IFFO2: variants seen among roughly 807,000 people sequenced by gnomAD.
IFFO2 encodes intermediate filament family orphan 2.
Under a neutral mutation model 53.5 loss-of-function variants are expected in IFFO2, and 19 were observed. The observed-to-expected ratio is 0.36, with a 90% CI of 0.25 to 0.52. The LOEUF is 0.52. Among genes scored for constraint, IFFO2 ranks in the 20% least tolerant of loss-of-function variants. The pLI is 0.94. For missense variants in IFFO2, 570 were observed against 727.4 expected, an observed-to-expected ratio of 0.78 and a Z score of 2.49; for synonymous variants, 303 against 313.6, an observed-to-expected ratio of 0.97 and a Z score of 0.36.
In IFFO2 at chr1:18,956,530, A is replaced by C. The variant is rs946062137; in HGVS notation, c.-198T>G. The C allele has an allele frequency of 6.3e-6, 1 of 157,612 alleles. No homozygotes were observed. The highest frequency in any genetic ancestry group is 2.4e-5 in the African/African-American group (1 of 41,446). The allele number at this position is 157,612 out of a possible 1,614,324, so 9.8% of individuals were successfully genotyped here. A position where few individuals can be genotyped will look rare whatever the true frequency, so the allele number is the denominator to read the frequency against. On this transcript the variant is annotated 5_prime_UTR_variant, in exon 1 of 9. Transcript: ENST00000455833. This position sits in a 1 kb window ranked among gnomAD's most constrained non-coding sequence, Gnocchi z 6.4. ...CCCCGGATGCGGGCGCCGAGGCGAG[A>C]GAGGGCACTCGGCCGCTCCTCGGGA...
chr1:18,952,748 T>A (rs1021444738), intron 1 of IFFO2, among the ~76,000 whole-genome samples: 2 of 152,218 alleles, frequency 1.3e-5, no homozygotes, highest in Non-Finnish European at 2.9e-5. Flanking sequence ...TTTTGGGGGC[T>A]GATGCAATGC....
intron 1 of IFFO2, among the ~76,000 whole-genome samples, chr1:18,931,452 C>T (rs1936373838): frequency 6.6e-6 from 1 of 152,162 alleles, no homozygotes; most frequent in South Asian, 2.1e-4. Context: ...CCCTTCATCA[C>T]CTCCTCCAGG....
At chr1:18,943,236 G>A (rs1032157832) in intron 1 of IFFO2, among the ~76,000 whole-genome samples, 1 of 151,998 alleles carries the variant, frequency 6.6e-6, no homozygotes, top group Non-Finnish European at 1.5e-5. Flanking sequence ...AAAATTAGCT[G>A]GGTGTAGTGG....
At chr1:18,944,618 C>T (rs1936563267) in intron 1 of IFFO2, among the ~76,000 whole-genome samples, 1 of 152,190 alleles carries the variant, frequency 6.6e-6, no homozygotes, top group Non-Finnish European at 1.5e-5. Flanking sequence ...CTGCAGGGCC[C>T]GCCACAGGCA....
At chr1:18,952,317 G>A (rs1201951673) in intron 1 of IFFO2, among the ~76,000 whole-genome samples, 1 of 152,162 alleles carries the variant, frequency 6.6e-6, no homozygotes, top group Admixed American at 6.5e-5. Flanking sequence ...CCAAAGCAGT[G>A]GTGACTGGGG....
At chr1:18,948,322 A>G (rs1936615913) in intron 1 of IFFO2, among the ~76,000 whole-genome samples, 3 of 152,250 alleles carry the variant, frequency 2.0e-5, no homozygotes, top group South Asian at 2.1e-4. Flanking sequence ...TGGCATGCAC[A>G]GAGTTGTGCT....
rs1032004188 is a variant in IFFO2, at chr1:18,918,652, G to A, written c.823-150C>T. ...GGTGCCTTGGGCTTTTCCGTGGAGT[G>A]GAGGGCTGCGGCGGCACTGGTCAGG... On this transcript the variant is annotated intron_variant, in intron 3 of 8. Coordinates refer to ENST00000455833, the MANE Select transcript of IFFO2 (RefSeq NM_001136265.2). This position sits in a 1 kb window ranked among gnomAD's most constrained non-coding sequence, Gnocchi z 5.2. 8 of 688,792 alleles carry A rather than the reference G, an allele frequency of 1.2e-5. No homozygotes were observed. The highest frequency in any genetic ancestry group is 9.0e-5 in the African/African-American group (5 of 55,380). The allele number at this position is 688,792 out of a possible 1,614,324, so 42.7% of individuals were successfully genotyped here.
At chr1:18,930,993 A>AACACCAGCCT (rs1936368259) in intron 1 of IFFO2, among the ~76,000 whole-genome samples, 1 of 152,118 alleles carries the variant, frequency 6.6e-6, no homozygotes, top group African/African-American at 2.4e-5. Context: ...CAACATAGTG[A>AACACCAGCCT]GATCCCATCC....
intron 1 of IFFO2, among the ~76,000 whole-genome samples, chr1:18,922,564 CA>C (rs1284781231): frequency 1.3e-5 from 2 of 152,002 alleles, no homozygotes; most frequent in Non-Finnish European, 2.9e-5. Flanking sequence ...TCCTGGAGGA[CA>C]CACACTCTCT....
At chr1:18,921,832 T>C (rs966228220) in intron 1 of IFFO2, among the ~76,000 whole-genome samples, 2 of 152,080 alleles carry the variant, frequency 1.3e-5, no homozygotes, top group African/African-American at 2.4e-5. Context: ...ACACGAGTAC[T>C]GCCCGAAGCT....
rs1479728821 is a variant in IFFO2, at chr1:18,908,969, G to GGTGC, written c.1449-307_1449-304dup. On this transcript the variant is annotated intron_variant, in intron 8 of 8. Transcript: ENST00000455833. ...CTAACCCATGTCTGGGCATATAGTA[G>GGTGC]GTGCTAAGTAAAACCTGAATGACTC... 2.0e-5 allele frequency among the ~76,000 whole-genome samples: 3 copies of GGTGC among 152,016 alleles called. No homozygotes were observed. In the East Asian group the frequency reaches 5.8e-4, roughly 29 times the overall value.
chr1:18,909,277 A>C (rs997975198), intron 8 of IFFO2, among the ~76,000 whole-genome samples: 3 of 152,120 alleles, frequency 2.0e-5, no homozygotes, highest in African/African-American at 7.2e-5. Flanking sequence ...AAACAGTGAC[A>C]ACGTATTTGT....
intron 5 of IFFO2, among the ~76,000 whole-genome samples, chr1:18,915,274 C>G (rs1293394620): frequency 6.6e-6 from 1 of 152,150 alleles, no homozygotes; most frequent in Non-Finnish European, 1.5e-5. Context: ...TAGGAGAGCC[C>G]GTGCCCTGGG....
chr1:18,923,162 A>G (rs748455694), intron 1 of IFFO2, among the ~76,000 whole-genome samples: 1 of 152,222 alleles, frequency 6.6e-6, no homozygotes. Context: ...CACATCTTGC[A>G]GCAAGAGCAG....
intron 1 of IFFO2, among the ~76,000 whole-genome samples, chr1:18,934,823 A>AAACAGCAGGTGG (rs370938239): frequency 5.9e-4 from 90 of 152,338 alleles, no homozygotes; most frequent in African/African-American, 2.1e-3. Context: ...CGAGCAGGTG[A>AAACAGCAGGTGG]CACAGCAGGT....
rs1241945542 is a variant in IFFO2, at chr1:18,916,134, T to C, written c.1103+769A>G. ...AGTGAGACTGTCTCAAAAAAAAAAA[T>C]AGCCTACAAATAAGACCACATCTGC... On this transcript the variant is annotated intron_variant, in intron 5 of 8. Transcript: ENST00000455833. This position sits in a 1 kb window ranked among gnomAD's most constrained non-coding sequence, Gnocchi z 4.3. Among the ~76,000 whole-genome samples the C allele has an allele frequency of 1.3e-5, 2 of 148,344 alleles. No individual in the cohort carries two copies. Among genetic ancestry groups the C allele is most frequent in the East Asian group, 4.1e-4 (2 of 4,896 alleles).
rs574886501 is a variant in IFFO2, at chr1:18,918,880, GCT to G, written c.823-380_823-379del. Among the ~76,000 whole-genome samples, 325 of 152,264 alleles carry G rather than the reference GCT, an allele frequency of 2.1e-3. 4 individuals carry two copies. The highest frequency in any genetic ancestry group is 4.9e-4 in the Non-Finnish European group (33 of 68,006). ...ACCCCACCTGTCCCCCACACAGGCA[GCT>G]CTCTCTCCTGGATGCCTCCCAAGGC... On this transcript the variant is annotated intron_variant, in intron 3 of 8. Transcript: ENST00000455833. The surrounding 1 kb of genome is among the most constrained non-coding windows in gnomAD (Gnocchi z 5.2).
In IFFO2 at chr1:18,908,515, G is replaced by T; in HGVS notation, c.*46C>A. ...CTTCCTGGCCCCATGAGGAGAGGTG[G>T]CAGGGCCCCATCACCAAGACCACCA... On this transcript the variant is annotated 3_prime_UTR_variant, in exon 9 of 9. Coordinates refer to ENST00000455833, the MANE Select transcript of IFFO2 (RefSeq NM_001136265.2). 7.3e-7 allele frequency: 1 copy of T among 1,378,500 alleles called. No individual in the cohort carries two copies. 85.4% of individuals were successfully genotyped at this position (1,378,500 alleles called of 1,614,324 possible). A position where few individuals can be genotyped will look rare whatever the true frequency, so the allele number is the denominator to read the frequency against.
Position 18,936,839 on chromosome 1 carries a change from C to T in IFFO2, c.666-15718G>A, listed in dbSNP as rs934805767. Among the ~76,000 whole-genome samples the T allele has an allele frequency of 1.3e-5, 2 of 152,052 alleles. No individual in the cohort carries two copies. The highest frequency in any genetic ancestry group is 4.8e-5 in the African/African-American group (2 of 41,402). ...CACCTGGGTTGAAAGCAAGGCTCTG[C>T]GGCCTTAAGCCAAGTCACTTCTCTA... is the stretch of plus-strand genomic sequence containing the variant. On this transcript the variant is annotated intron_variant, in intron 1 of 8. Coordinates refer to ENST00000455833, the MANE Select transcript of IFFO2 (RefSeq NM_001136265.2). The surrounding 1 kb of genome is among the most constrained non-coding windows in gnomAD (Gnocchi z 4.5).
Sources: allele counts gnomAD v4.1 joint callset (sites outside exome capture counted in the v4.1 genomes callset), GRCh38; gene constraint gnomAD v4.1.1; non-coding constraint Gnocchi (gnomAD v3.1); transcripts MANE v1.5; gene names NCBI Gene and HGNC (gene_info 2026-07-23, HGNC 2026-07-21).